Variants in MGST1 observed in about 807,000 individuals in gnomAD.
MGST1 encodes glutathione S-transferase 12.
Under a neutral mutation model 8.9 loss-of-function variants are expected in MGST1, and 5 were observed. The ratio of observed to expected loss-of-function variants is 0.56; its 90% CI spans 0.29 to 1.19. The LOEUF (loss-of-function observed/expected upper bound fraction) is 1.19, where lower values mean the gene tolerates loss of function less well. MGST1 is among the 50% of genes most tolerant of loss of function. The probability of loss-of-function intolerance (pLI) is 0.08; values close to 1 mark genes in which losing one functional copy is unlikely to be tolerated. For missense variants in MGST1, 182 were observed against 187.4 expected, an observed-to-expected ratio of 0.97 and a Z score of 0.17; for synonymous variants, 54 against 67.8, an observed-to-expected ratio of 0.80 and a Z score of 1.00.
chr12:16,371,552 G>T (rs550587545), intron 3 of MGST1, among the ~76,000 whole-genome samples: 1 of 152,134 alleles, frequency 6.6e-6, no homozygotes, highest in African/African-American at 2.4e-5. Flanking sequence ...ATGATCAATG[G>T]TTTTTACTAA....
rs1565471408 is a variant in MGST1 at position 16,537,549 on chromosome 12, C to A, written n.483-51979C>A. The stretch of plus-strand genomic sequence containing the variant: ...CCCTAGCAGAGATTCTCCATGAGGG[C>A]CCTGCCTCTGCAGCACACTTTTGCC... On this transcript the variant is annotated intron_variant and non_coding_transcript_variant, in intron 4 of 4. Coordinates refer to the MGST1 transcript ENST00000538857. This position sits in a 1 kb window ranked among gnomAD's most constrained non-coding sequence, Gnocchi z 4.6. Among the ~76,000 whole-genome samples the A allele has an allele frequency of 6.6e-6, 1 of 152,234 alleles. No individual in the cohort carries two copies. The highest frequency in any genetic ancestry group is 1.5e-5 in the Non-Finnish European group (1 of 68,036).
rs533930964 is a variant in MGST1, at chr12:16,521,567, T to C, written n.483-67961T>C. Among the ~76,000 whole-genome samples the C allele has an allele frequency of 1.1e-4, 16 of 151,106 alleles. No individual in the cohort carries two copies. The South Asian group carries it at 2.9e-3, about 28-fold the overall frequency. ...AAATTTAACTACAGAGTTCAGCATT[T>C]AAATGTACTGAGAGATTCAGAATCA... On this transcript the variant is annotated intron_variant and non_coding_transcript_variant, in intron 4 of 4. Transcript: ENST00000538857.
intron 4 of MGST1, among the ~76,000 whole-genome samples, chr12:16,528,183 C>T (rs985629264): frequency 3.9e-5 from 6 of 151,932 alleles, no homozygotes; most frequent in African/African-American, 9.7e-5. Flanking sequence ...AAACAATGTC[C>T]GCCTTTTTCA....
intron 1 of MGST1, among the ~76,000 whole-genome samples, chr12:16,409,399 G>T (rs991684493): frequency 1.3e-5 from 2 of 152,020 alleles, no homozygotes; most frequent in African/African-American, 4.8e-5. Context: ...AAGTATCTTT[G>T]TACCTGCAAC....
chr12:16,523,281 T>C (rs1941660444), intron 4 of MGST1, among the ~76,000 whole-genome samples: 1 of 152,152 alleles, frequency 6.6e-6, no homozygotes. Flanking sequence ...CTTGCTCTGC[T>C]AACTAGTTGG....
At position 16,354,218 on chromosome 12, in the gene MGST1, A is replaced by C. The variant is rs1939603400; in HGVS notation, c.-22-13A>C. ...ATGTCTGCTTTTTCCCATTTTATTT[A>C]AATCTTTTTAAGATTCCAGACCAAA... On this transcript the variant is annotated splice_polypyrimidine_tract_variant and intron_variant, in intron 1 of 3. Coordinates refer to ENST00000396210, the MANE Select transcript of MGST1 (RefSeq NM_020300.5). 2 of 1,551,426 alleles carry C rather than the reference A, an allele frequency of 1.3e-6. No individual in the cohort carries two copies. Among genetic ancestry groups the C allele is most frequent in the Non-Finnish European group, 1.7e-6 (2 of 1,151,454 alleles).
intron 4 of MGST1, among the ~76,000 whole-genome samples, chr12:16,542,665 A>ATG (rs1416224523): frequency 2.0e-5 from 3 of 152,088 alleles, no homozygotes; most frequent in African/African-American, 7.2e-5. Context: ...CTACTATGCA[A>ATG]TGTAGATGCT....
At chr12:16,470,655 C>T (rs1318348543) in intron 4 of MGST1, among the ~76,000 whole-genome samples, 1 of 152,092 alleles carries the variant, frequency 6.6e-6, no homozygotes, top group East Asian at 1.9e-4. Context: ...ATCTATTGCC[C>T]AATTTTGAAG....
intron 2 of MGST1, 24 bp from the exon 3 acceptor site, chr12:16,357,581 T>A: frequency 6.3e-7 from 1 of 1,588,680 alleles, no homozygotes; most frequent in Admixed American, 1.7e-5. Context: ...TTGAAATAAG[T>A]TTTTTTTCTT....
At position 16,361,735 on chromosome 12, in the gene MGST1, G is replaced by T. The variant is rs1382211828; in HGVS notation, c.222-2060G>T. 6.6e-6 allele frequency among the ~76,000 whole-genome samples: 1 copy of T among 152,162 alleles called. No individual in the cohort carries two copies. Among genetic ancestry groups the T allele is most frequent in the African/African-American group, 2.4e-5 (1 of 41,432 alleles). On this transcript the variant is annotated intron_variant, in intron 3 of 3. Coordinates refer to ENST00000396210, the MANE Select transcript of MGST1 (RefSeq NM_020300.5). The surrounding 1 kb of genome is among the most constrained non-coding windows in gnomAD (Gnocchi z 4.2). ...AGCATAAATTGGCATAAGTATGAGG[G>T]TCTGTGGAAAACAGGCCTTACTAGC...
At chr12:16,351,512 A>G (rs891112795) in intron 1 of MGST1, among the ~76,000 whole-genome samples, 4 of 152,126 alleles carry the variant, frequency 2.6e-5, no homozygotes, top group African/African-American at 7.2e-5. Flanking sequence ...TTAGCCTAAG[A>G]AAACAAAAAT....
intron 1 of MGST1, among the ~76,000 whole-genome samples, chr12:16,420,547 G>A (rs1940826292): frequency 6.6e-6 from 1 of 152,188 alleles, no homozygotes; most frequent in Admixed American, 6.5e-5. Flanking sequence ...CACCTGTGAT[G>A]GAGTGAAGGG....
Position 16,546,534 on chromosome 12 carries a change from A to G in MGST1, n.483-42994A>G, listed in dbSNP as rs551600778. 6.6e-6 allele frequency among the ~76,000 whole-genome samples: 1 copy of G among 152,160 alleles called. No homozygotes were observed. The highest frequency in any genetic ancestry group is 1.5e-5 in the Non-Finnish European group (1 of 68,016). ...TCTTTATAATTTTGTGCATTACGTG[A>G]TCTGCACGCCCAAAACAGGAGTATC... On this transcript the variant is annotated intron_variant and non_coding_transcript_variant, in intron 4 of 4. Transcript: ENST00000538857. The surrounding 1 kb of genome is among the most constrained non-coding windows in gnomAD (Gnocchi z 4.7).
Position 16,436,847 on chromosome 12 carries a change from A to G in MGST1, n.779-541A>G, listed in dbSNP as rs187516903. 2.6e-5 allele frequency among the ~76,000 whole-genome samples: 4 copies of G among 152,138 alleles called. No homozygotes were observed. In the East Asian group the frequency reaches 5.8e-4, roughly 22 times the overall value. On this transcript the variant is annotated intron_variant and non_coding_transcript_variant, in intron 1 of 1. Coordinates refer to the MGST1 transcript ENST00000359720. ...CCCAGGAAATCTGGCTTCAGCATCTATGCTCTTAACCAGTCCACAATAATG... is the reference window on the plus strand; with the variant it reads ...CCCAGGAAATCTGGCTTCAGCATCTGTGCTCTTAACCAGTCCACAATAATG...
chr12:16,408,564 T>G (rs1275477489), intron 1 of MGST1, among the ~76,000 whole-genome samples: 1 of 152,198 alleles, frequency 6.6e-6, no homozygotes, highest in Non-Finnish European at 1.5e-5. Flanking sequence ...AATCTTTGCT[T>G]CTGGCTGTTA....
chr12:16,461,872 C>A (rs1046516870), intron 4 of MGST1, among the ~76,000 whole-genome samples: 3 of 152,100 alleles, frequency 2.0e-5, no homozygotes, highest in African/African-American at 7.2e-5. Flanking sequence ...TTATCCCCAA[C>A]CACCTTTTAA....
intron 4 of MGST1, among the ~76,000 whole-genome samples, chr12:16,452,916 T>A (rs529849037): frequency 8.6e-5 from 13 of 152,020 alleles, no homozygotes; most frequent in Middle Eastern, 3.4e-3. Context: ...TTATCAATCA[T>A]GGTCTTTCTT....
At chr12:16,460,304 AT>A (rs1941208605) in intron 4 of MGST1, among the ~76,000 whole-genome samples, 1 of 151,972 alleles carries the variant, frequency 6.6e-6, no homozygotes, top group African/African-American at 2.4e-5. Context: ...TGGCATATAC[AT>A]TTTCTGCTGG....
At position 16,586,913 on chromosome 12, in the gene MGST1, C is replaced by G. The variant is rs572124727; in HGVS notation, n.483-2615C>G. Among the ~76,000 whole-genome samples, 1 of 152,132 alleles carries G rather than the reference C, an allele frequency of 6.6e-6. No individual in the cohort carries two copies. Among genetic ancestry groups the G allele is most frequent in the Admixed American group, 6.6e-5 (1 of 15,262 alleles). On this transcript the variant is annotated intron_variant and non_coding_transcript_variant, in intron 4 of 4. Coordinates refer to the MGST1 transcript ENST00000538857. The surrounding 1 kb of genome is among the most constrained non-coding windows in gnomAD (Gnocchi z 4.3). Reference sequence around the variant, plus strand: ...GTCTCATCTAAATTCATGGAATTCTCCCCTCTAATAATAGAGTCATGTGAT... The same window carrying G: ...GTCTCATCTAAATTCATGGAATTCTGCCCTCTAATAATAGAGTCATGTGAT...
Sources: gnomAD v4.1 joint callset for allele counts (sites outside exome capture counted in the v4.1 genomes callset) on GRCh38, gnomAD v4.1.1 for gene constraint, Gnocchi (gnomAD v3.1) non-coding constraint, MANE v1.5 for transcripts, NCBI Gene and HGNC (gene_info 2026-07-23, HGNC 2026-07-21) for gene names.